The following ANO3 variants were observed in gnomAD, a reference collection of about 807,000 sequenced individuals.
ANO3 encodes anoctamin 3.
In ANO3, 99 loss-of-function variants were observed where a neutral mutation model predicts 144.8. That is an observed-to-expected ratio of 0.68 (90% CI 0.58 to 0.81). The LOEUF (loss-of-function observed/expected upper bound fraction) is 0.81. Among genes scored for constraint, ANO3 ranks in the 30% least tolerant of loss-of-function variants. ANO3 has a pLI of 0.00. For synonymous variants in ANO3, 414 were observed against 392.6 expected (o/e 1.05, Z -0.64); for missense variants, 905 against 1,202.2 (o/e 0.75, Z 3.66).
At chr11:26,538,283 G>A (rs1849561247) in intron 10 of ANO3, among the ~76,000 whole-genome samples, 1 of 152,118 alleles carries the variant, frequency 6.6e-6, no homozygotes, top group East Asian at 1.9e-4. Flanking sequence ...GTACAGAAAG[G>A]TTAGATATCA....
At chr11:26,417,225 C>T (rs908142774) in intron 1 of ANO3, among the ~76,000 whole-genome samples, 2 of 152,016 alleles carry the variant, frequency 1.3e-5, no homozygotes, top group African/African-American at 4.8e-5. Flanking sequence ...ACATCTATAA[C>T]CTCTATAAGT....
chr11:26,451,260 C>A (rs1215256102), intron 3 of ANO3, among the ~76,000 whole-genome samples: 1 of 152,192 alleles, frequency 6.6e-6, no homozygotes, highest in African/African-American at 2.4e-5. Flanking sequence ...GTGCACCCTG[C>A]ATGAGCCGAA....
chr11:26,472,341 A>T (rs999982431), intron 4 of ANO3, among the ~76,000 whole-genome samples: 2 of 152,102 alleles, frequency 1.3e-5, no homozygotes, highest in Middle Eastern at 3.4e-3. Flanking sequence ...TTTACCAGGG[A>T]TCTTAACAGG....
chr11:26,366,501 G>A (rs1374165066), intron 1 of ANO3, among the ~76,000 whole-genome samples: 2 of 152,080 alleles, frequency 1.3e-5, no homozygotes, highest in Non-Finnish European at 2.9e-5. Flanking sequence ...ACCTAGTAAT[G>A]GGATGGCTGG....
intron 1 of ANO3, among the ~76,000 whole-genome samples, chr11:26,253,361 A>C (rs1852978592): frequency 6.6e-6 from 1 of 152,172 alleles, no homozygotes; most frequent in Non-Finnish European, 1.5e-5. Flanking sequence ...ATGAGAACAC[A>C]TGGACACATA....
chr11:26,361,418 T>C (rs1455684836), intron 1 of ANO3, among the ~76,000 whole-genome samples: 1 of 152,232 alleles, frequency 6.6e-6, no homozygotes, highest in Non-Finnish European at 1.5e-5. Flanking sequence ...TAAAACATAA[T>C]TGCATTCAAC....
At chr11:26,204,712 G>T (rs1447250064) in intron 1 of ANO3, among the ~76,000 whole-genome samples, 1 of 152,074 alleles carries the variant, frequency 6.6e-6, no homozygotes, top group Non-Finnish European at 1.5e-5. Context: ...GGCGTATACA[G>T]CAGGCCACAC....
At chr11:26,628,080 T>A (rs576114061) in intron 18 of ANO3, among the ~76,000 whole-genome samples, 1 of 152,278 alleles carries the variant, frequency 6.6e-6, no homozygotes, top group East Asian at 1.9e-4. Context: ...ATGGGAAAAA[T>A]TAAAAGCATT....
chr11:26,469,921 G>A (rs2134068765), intron 4 of ANO3, among the ~76,000 whole-genome samples: 1 of 151,276 alleles, frequency 6.6e-6, no homozygotes, highest in Admixed American at 6.6e-5. Context: ...ATTAGAAATT[G>A]TTTATATCAG....
intron 4 of ANO3, among the ~76,000 whole-genome samples, chr11:26,492,498 A>T (rs958710822): frequency 6.6e-6 from 1 of 152,194 alleles, no homozygotes; most frequent in African/African-American, 2.4e-5. Flanking sequence ...TGCTTATTAT[A>T]TGTTAGATAG....
At chr11:26,650,932 C>G (rs1190789029) in intron 24 of ANO3, among the ~76,000 whole-genome samples, 1 of 152,186 alleles carries the variant, frequency 6.6e-6, no homozygotes, top group Admixed American at 6.5e-5. Context: ...ATGCTCACTA[C>G]TAGCTTGTCA....
intron 14 of ANO3, among the ~76,000 whole-genome samples, chr11:26,587,858 A>T (rs1851331096): frequency 6.6e-6 from 1 of 150,752 alleles, no homozygotes; most frequent in Non-Finnish European, 1.5e-5. Context: ...CAGGAGGCTG[A>T]GGCAAGAGAA....
chr11:26,494,314 C>T (rs1860838438), intron 4 of ANO3, among the ~76,000 whole-genome samples: 1 of 152,062 alleles, frequency 6.6e-6, no homozygotes, highest in South Asian at 2.1e-4. Flanking sequence ...GGTTGTCATT[C>T]AGCTAGCACC....
At chr11:26,534,973 T>A (rs1198949256) in intron 9 of ANO3, among the ~76,000 whole-genome samples, 1 of 106,956 alleles carries the variant, frequency 9.3e-6, no homozygotes. Flanking sequence ...AGTACATTCA[T>A]TAAAAGTTAT....
intron 1 of ANO3, among the ~76,000 whole-genome samples, chr11:26,297,184 C>CGTGTGTGTGTGTGTGTGTGT (rs377447870): frequency 4.1e-5 from 6 of 146,338 alleles, no homozygotes; most frequent in African/African-American, 7.5e-5. Flanking sequence ...TCAACCATTG[C>CGTGTGTGTGTGTGTGTGTGT]GTGTGTGTGT....
chr11:26,634,913 C>A, intron 19 of ANO3, 100 bp from the exon 20 acceptor site: 1 of 881,954 alleles, frequency 1.1e-6, no homozygotes, highest in Non-Finnish European at 1.9e-6. Context: ...CACCAGTGAG[C>A]GTTTATGTCT....
At chr11:26,387,811 G>A (rs990323737) in intron 1 of ANO3, among the ~76,000 whole-genome samples, 21 of 151,910 alleles carry the variant, frequency 1.4e-4, no homozygotes, top group African/African-American at 5.1e-4. Flanking sequence ...TTCTTTTGAT[G>A]GGCACCAGGG....
At chr11:26,300,985 T>C (rs1854220040) in intron 1 of ANO3, among the ~76,000 whole-genome samples, 1 of 148,822 alleles carries the variant, frequency 6.7e-6, no homozygotes. Flanking sequence ...TCCCAAGTAG[T>C]TGGGATTACA....
At chr11:26,230,385 G>A (rs1386135417) in intron 1 of ANO3, among the ~76,000 whole-genome samples, 1 of 152,178 alleles carries the variant, frequency 6.6e-6, no homozygotes, top group African/African-American at 2.4e-5. Context: ...GGATAAGAAA[G>A]GGGTAGAGGG....
Sources: gnomAD v4.1 joint callset for allele counts (sites outside exome capture counted in the v4.1 genomes callset) on GRCh38, gnomAD v4.1.1 for gene constraint, MANE v1.5 for transcripts, NCBI Gene and HGNC (gene_info 2026-07-23, HGNC 2026-07-21) for gene names.